The following FAM184A variants were observed in gnomAD, a reference collection of about 807,000 sequenced individuals.
The protein encoded by FAM184A is protein FAM184A.
FAM184A carries 99 observed loss-of-function variants against 143.8 expected under a neutral mutation model. The ratio of observed to expected loss-of-function variants is 0.69; its 90% confidence interval spans 0.58 to 0.81. The LOEUF is 0.81. Among genes scored for constraint, FAM184A ranks in the 40% least tolerant of loss-of-function variants. FAM184A has a pLI of 0.00. For synonymous variants in FAM184A, 427 were observed against 446.4 expected, an observed-to-expected ratio of 0.96 and a Z score of 0.55; for missense variants, 1,217 against 1,310.5, an observed-to-expected ratio of 0.93 and a Z score of 1.10.
At chr6:119,000,507 C>T (rs958530798) in intron 9 of FAM184A, among the ~76,000 whole-genome samples, 4 of 152,110 alleles carry the variant, frequency 2.6e-5, no homozygotes, top group Admixed American at 2.6e-4. Context: ...TGAAAAACAT[C>T]TGATTCAAGT....
intron 1 of FAM184A, among the ~76,000 whole-genome samples, chr6:119,039,321 C>T (rs1786231414): frequency 1.3e-5 from 2 of 152,142 alleles, no homozygotes; most frequent in South Asian, 4.1e-4. Flanking sequence ...TATGTCCATA[C>T]AAAAACTGGC....
intron 11 of FAM184A, among the ~76,000 whole-genome samples, chr6:118,977,809 A>G (rs1783892068): frequency 6.6e-6 from 1 of 152,168 alleles, no homozygotes; most frequent in Non-Finnish European, 1.5e-5. Flanking sequence ...GTGATACTGT[A>G]CCATAGTTCT....
intron 1 of FAM184A, among the ~76,000 whole-genome samples, chr6:119,033,308 G>A (rs887567503): frequency 1.3e-5 from 2 of 152,104 alleles, no homozygotes; most frequent in Non-Finnish European, 2.9e-5. Context: ...CTATTTTACT[G>A]GTGATCAATA....
chr6:119,001,242 G>A (rs1045371189), intron 9 of FAM184A, among the ~76,000 whole-genome samples: 1 of 150,562 alleles, frequency 6.6e-6, no homozygotes, highest in Non-Finnish European at 1.5e-5. Flanking sequence ...CAATCCTGGA[G>A]TGCAACAGCT....
intron 1 of FAM184A, among the ~76,000 whole-genome samples, chr6:119,101,518 T>C (rs1788637305): frequency 6.6e-6 from 1 of 152,238 alleles, no homozygotes; most frequent in Non-Finnish European, 1.5e-5. Flanking sequence ...AAGTTGCTAA[T>C]GTTCAAACTT....
intron 1 of FAM184A, among the ~76,000 whole-genome samples, chr6:119,049,164 T>A (rs146563991): frequency 6.6e-6 from 1 of 152,074 alleles, no homozygotes; most frequent in African/African-American, 2.4e-5. Context: ...AACAGACACA[T>A]ACGCCAGGCG....
intron 6 of FAM184A, among the ~76,000 whole-genome samples, chr6:119,007,805 G>A (rs550516706): frequency 6.6e-6 from 1 of 152,228 alleles, no homozygotes; most frequent in Non-Finnish European, 1.5e-5. Context: ...GCCGGGTGTG[G>A]TGGCGCGCGA....
upstream of FAM184A, among the ~76,000 whole-genome samples, chr6:119,082,116 G>C (rs4621665): frequency 4.6e-5 from 7 of 152,166 alleles, no homozygotes; most frequent in African/African-American, 1.7e-4. Context: ...CATAGGCCTG[G>C]GGGTGTAGCC....
At chr6:119,090,016 G>A (rs565776206) in intron 1 of FAM184A, among the ~76,000 whole-genome samples, 1 of 152,224 alleles carries the variant, frequency 6.6e-6, no homozygotes, top group South Asian at 2.1e-4. Context: ...ACTATCATTA[G>A]CTTTTTCTCT....
intron 9 of FAM184A, among the ~76,000 whole-genome samples, chr6:118,997,470 A>AGGAGTTCAGGAT (rs1372763612): frequency 6.6e-6 from 1 of 152,164 alleles, no homozygotes; most frequent in Non-Finnish European, 1.5e-5. Flanking sequence ...CAGGTGGATC[A>AGGAGTTCAGGAT]CCTGAGGTCA....
At chr6:119,051,263 A>G (rs1786753984) in intron 1 of FAM184A, among the ~76,000 whole-genome samples, 1 of 152,240 alleles carries the variant, frequency 6.6e-6, no homozygotes, top group Admixed American at 6.5e-5. Context: ...CATTAGGTTA[A>G]GTGAAATAAA....
At chr6:118,969,685 C>A (rs1456280548) in intron 14 of FAM184A, among the ~76,000 whole-genome samples, 1 of 151,746 alleles carries the variant, frequency 6.6e-6, no homozygotes, top group Non-Finnish European at 1.5e-5. Context: ...ACTTTAAGCT[C>A]TGGGATACAT....
Position 119,024,373 on chromosome 6 carries a change from C to T in FAM184A, c.600G>A (p.Glu200=), listed in dbSNP as rs34479130. Residue 200 remains glutamate, a synonymous_variant, in exon 2 of 18, where the codon GAG becomes GAA. Transcript: ENST00000338891. ...LQAAHRREIQ[E]LLKSQQDHSA... is the part of the protein sequence containing the mutation. ...TGTGATCCTGCTGTGACTTCAATAGCTCTTGTATCTCCCGTCTGTGAGCAG... is the reference window on the plus strand; with the variant it reads ...TGTGATCCTGCTGTGACTTCAATAGTTCTTGTATCTCCCGTCTGTGAGCAG... The T allele has an allele frequency of 1.0e-3, 1,643 of 1,614,168 alleles. 12 individuals are homozygous for T. The African/African-American group carries it at 0.019, about 18-fold the overall frequency.
chr6:119,043,399 G>T (rs543845926), intron 1 of FAM184A, among the ~76,000 whole-genome samples: 1 of 152,140 alleles, frequency 6.6e-6, no homozygotes, highest in East Asian at 1.9e-4. Context: ...TGGAACCCAG[G>T]GAAGCCACAG....
At chr6:119,106,409 CAAAA>C (rs1206523665) in intron 1 of FAM184A, among the ~76,000 whole-genome samples, 3 of 151,996 alleles carry the variant, frequency 2.0e-5, no homozygotes, top group African/African-American at 7.2e-5. Flanking sequence ...AACAAACAAA[CAAAA>C]AACCAAACTG....
At chr6:119,132,120 A>C (rs139860194) in intron 1 of FAM184A, among the ~76,000 whole-genome samples, 15 of 152,358 alleles carry the variant, frequency 9.8e-5, no homozygotes, top group African/African-American at 3.6e-4. Context: ...CTCCCCCATA[A>C]AACATTCCTT....
intron 1 of FAM184A, among the ~76,000 whole-genome samples, chr6:119,039,498 T>C (rs1786238102): frequency 6.6e-6 from 1 of 152,178 alleles, no homozygotes; most frequent in African/African-American, 2.4e-5. Flanking sequence ...TAAATGCATA[T>C]TGTTAAGTAA....
At chr6:119,026,123 C>T (rs1448973869) in intron 1 of FAM184A, among the ~76,000 whole-genome samples, 2 of 152,196 alleles carry the variant, frequency 1.3e-5, no homozygotes, top group Non-Finnish European at 2.9e-5. Flanking sequence ...TGTCCATATA[C>T]TCGCTTAGTC....
intron 1 of FAM184A, among the ~76,000 whole-genome samples, chr6:119,094,368 A>C (rs1788452043): frequency 6.6e-6 from 1 of 152,022 alleles, no homozygotes; most frequent in African/African-American, 2.4e-5. Context: ...CAAAACTCTT[A>C]TGGCATTTCA....
Sources: allele counts gnomAD v4.1 joint callset (sites outside exome capture counted in the v4.1 genomes callset), GRCh38; gene constraint gnomAD v4.1.1; transcripts MANE v1.5; gene names NCBI Gene and HGNC (gene_info 2026-07-23, HGNC 2026-07-21).